RTRAF: variants seen among roughly 807,000 people sequenced by gnomAD.
RTRAF encodes tRNA-splicing ligase complex subunit RTRAF.
A neutral mutation model predicts 34.4 loss-of-function variants in RTRAF; 14 were observed. The observed-to-expected ratio is 0.41, with a 90% CI of 0.27 to 0.64. RTRAF has a LOEUF of 0.64. RTRAF is among the 30% of genes least tolerant of loss of function. RTRAF has a pLI of 0.34. For synonymous variants in RTRAF, 96 were observed against 95.3 expected (o/e 1.01, Z -0.04); for missense variants, 291 against 288.4 (o/e 1.01, Z -0.06).
intron 6 of RTRAF, 62 bp from the exon 7 acceptor site, chr14:52,004,132 G>T (rs902866132): frequency 7.0e-7 from 1 of 1,427,970 alleles, no homozygotes; most frequent in Non-Finnish European, 9.8e-7. Context: ...TTCAGTTTCA[G>T]TTGAGGAAAG....
chr14:52,004,118 G>GT (rs1264654849), intron 6 of RTRAF, 76 bp from the exon 7 acceptor site: 333 of 1,264,904 alleles, frequency 2.6e-4, no homozygotes, highest in Non-Finnish European at 7.3e-5. Context: ...ATAGCTAGGT[G>GT]CTTTTCAGTT....
At chr14:52,000,689 T>C (rs1054148524) in intron 5 of RTRAF, among the ~76,000 whole-genome samples, 1 of 152,180 alleles carries the variant, frequency 6.6e-6, no homozygotes, top group African/African-American at 2.4e-5. Context: ...TTAACTTGGA[T>C]TTTCTCAATC....
At position 52,007,769 on chromosome 14, in the gene RTRAF, T is replaced by A. The variant is rs1198879323; in HGVS notation, c.*3253T>A. 8.4e-6 allele frequency: 13 copies of A among 1,541,174 alleles called. No individual in the cohort carries two copies. The highest frequency in any genetic ancestry group is 3.4e-4 in the Middle Eastern group (2 of 5,900). On this transcript the variant is annotated 3_prime_UTR_variant, in exon 8 of 8. Transcript: ENST00000261700. ...AATCTGTTAGTGCTCACATTCACTG[T>A]GATGAGAGGTTATCTATTTGCATTC...
chr14:52,001,473 G>A (rs564458266), intron 5 of RTRAF, among the ~76,000 whole-genome samples: 24 of 152,248 alleles, frequency 1.6e-4, no homozygotes, highest in African/African-American at 5.8e-4. Flanking sequence ...GTAGGGGATC[G>A]CAAGGCTCAG....
In RTRAF at chr14:52,006,891, G is replaced by A; in HGVS notation, c.*2375G>A. On this transcript the variant is annotated 3_prime_UTR_variant, in exon 8 of 8. Transcript: ENST00000261700. The stretch of plus-strand genomic sequence containing the variant: ...GACAGGATTGCATTTACTGAAATCT[G>A]GTAAGTTTCTGCCAAAGTAGGGCAT... 5.7e-6 allele frequency: 2 copies of A among 351,842 alleles called. No individual in the cohort carries two copies. Among genetic ancestry groups the A allele is most frequent in the South Asian group, 4.0e-5 (1 of 24,830 alleles). 21.8% of individuals were successfully genotyped at this position (351,842 alleles called of 1,614,324 possible).
At chr14:51,993,042 T>TA (rs1276152154) in intron 2 of RTRAF, among the ~76,000 whole-genome samples, 1 of 152,026 alleles carries the variant, frequency 6.6e-6, no homozygotes, top group South Asian at 2.1e-4. Flanking sequence ...AAAAAAGAAA[T>TA]ATGTATGTAT....
chr14:52,005,822 ATGTT>A lies in RTRAF; in HGVS notation c.*1308_*1311del, dbSNP rs777565899. The A allele has an allele frequency of 1.9e-6, 3 of 1,613,234 alleles. No homozygotes were observed. In the African/African-American group the frequency reaches 4.0e-5, roughly 22 times the overall value. On this transcript the variant is annotated 3_prime_UTR_variant, in exon 8 of 8. Coordinates refer to ENST00000261700, the MANE Select transcript of RTRAF (RefSeq NM_016039.3). ...GATACTCATCAGTAAACTGGCCACT[ATGTT>A]TATTTACTGATACAACACCATCCCT... is the stretch of plus-strand genomic sequence containing the variant.
In RTRAF at chr14:52,005,489, CT is replaced by C; in HGVS notation, c.*976del. The C allele has an allele frequency of 6.3e-7, 1 of 1,597,988 alleles. No individual in the cohort carries two copies. Among genetic ancestry groups the C allele is most frequent in the Admixed American group, 1.8e-5 (1 of 56,636 alleles). ...GTCTTCCTTTACATTACTGTACTTA[CT>C]TTCTTCCTGTGAGAGAAGAGCAGGG... is the stretch of plus-strand genomic sequence containing the variant. On this transcript the variant is annotated 3_prime_UTR_variant, in exon 8 of 8. Coordinates refer to ENST00000261700, the MANE Select transcript of RTRAF (RefSeq NM_016039.3).
chr14:52,009,859 T>C lies in RTRAF; in HGVS notation c.*5343T>C, dbSNP rs1890938833. On this transcript the variant is annotated 3_prime_UTR_variant, in exon 8 of 8. Transcript: ENST00000261700. ...AAAATTAGCTGGGCATGGTGGCACA[T>C]GCCTGTAGTCCCAGCTACTTGGGAG... 1 of 152,342 alleles carries C rather than the reference T, an allele frequency of 6.6e-6. No homozygotes were observed. Among genetic ancestry groups the C allele is most frequent in the Non-Finnish European group, 1.5e-5 (1 of 68,194 alleles). The allele number at this position is 152,342 out of a possible 1,614,324, so 9.4% of individuals were successfully genotyped here.
At position 51,993,833 on chromosome 14, in the gene RTRAF, T is replaced by C. The variant is rs1183662657; in HGVS notation, c.286+11T>C. On this transcript the variant is annotated intron_variant, in intron 3 of 7. Coordinates refer to ENST00000261700, the MANE Select transcript of RTRAF (RefSeq NM_016039.3). ...AATATGGAGATAATGGTACGTTTTG[T>C]GGGGAATGTGTATTTTAAAGAGAGA... 4 of 1,457,550 alleles carry C rather than the reference T, an allele frequency of 2.7e-6. No individual in the cohort carries two copies. The highest frequency in any genetic ancestry group is 1.4e-5 in the African/African-American group (1 of 70,248). The allele number at this position is 1,457,550 out of a possible 1,614,324, so 90.3% of individuals were successfully genotyped here.
chr14:52,000,335 T>A (rs1890581125), intron 5 of RTRAF, among the ~76,000 whole-genome samples: 1 of 152,146 alleles, frequency 6.6e-6, no homozygotes, highest in Non-Finnish European at 1.5e-5. Flanking sequence ...GATAGGCCAC[T>A]CAGTTCATAA....
chr14:52,004,825 T>C lies in RTRAF; in HGVS notation c.*309T>C, dbSNP rs570396241. The C allele has an allele frequency of 2.3e-5, 5 of 220,662 alleles. No individual in the cohort carries two copies. The highest frequency in any genetic ancestry group is 1.7e-4 in the South Asian group (1 of 5,822). The allele number at this position is 220,662 out of a possible 1,614,324, so 13.7% of individuals were successfully genotyped here. A position where few individuals can be genotyped will look rare whatever the true frequency, so the allele number is the denominator to read the frequency against. On this transcript the variant is annotated 3_prime_UTR_variant, in exon 8 of 8. Transcript: ENST00000261700. ...AGTCATAGGAAAACTTAAAACACTT[T>C]ATTGGAGTAATCTAGAAAATTTTAA...
At position 52,005,763 on chromosome 14, in the gene RTRAF, G is replaced by C; in HGVS notation, c.*1247G>C. On this transcript the variant is annotated 3_prime_UTR_variant, in exon 8 of 8. Transcript: ENST00000261700. ...TGTTGGGCAGTAGGGGTAGACTGCAGTTATCCCGTAGAGGTGAGATCGTTG... is the reference window on the plus strand; with the variant it reads ...TGTTGGGCAGTAGGGGTAGACTGCACTTATCCCGTAGAGGTGAGATCGTTG... 6.2e-7 allele frequency: 1 copy of C among 1,613,756 alleles called. No individual in the cohort carries two copies. Among genetic ancestry groups the C allele is most frequent in the Non-Finnish European group, 8.5e-7 (1 of 1,179,682 alleles).
intron 1 of RTRAF, 122 bp downstream of exon 1, chr14:51,989,822 G>T (rs112744006): frequency 6.0e-6 from 6 of 995,702 alleles, no homozygotes; most frequent in Admixed American, 5.0e-5. Flanking sequence ...GGCAGCCTCC[G>T]GGCCCCTCTC....
At chr14:52,000,874 T>A (rs1890591349) in intron 5 of RTRAF, among the ~76,000 whole-genome samples, 1 of 152,218 alleles carries the variant, frequency 6.6e-6, no homozygotes. Context: ...GTATTTGGGA[T>A]GCTTTTGTTA....
Position 51,993,725 on chromosome 14 carries a change from T to C in RTRAF, c.189T>C (p.Tyr63=). The change falls in exon 3 of 8, where the codon TAT becomes TAC. Residue 63 remains tyrosine (Y), a splice_region_variant and synonymous_variant. Transcript: ENST00000261700. ...TTTTCTTTTCTTCCCCCTCACAGTA[T>C]CTCAGAGATGTTAACTGTCCTTTCA... ...SSDWPKFFEK[Y]LRDVNCPFKI... is the part of the protein sequence containing the mutation. 3.2e-6 allele frequency: 5 copies of C among 1,573,912 alleles called. No individual in the cohort carries two copies. The highest frequency in any genetic ancestry group is 4.3e-6 in the Non-Finnish European group (5 of 1,150,584).
chr14:52,004,326 T>G (rs562537400), intron 7 of RTRAF, 36 bp from the exon 8 acceptor site: 1 of 1,609,664 alleles, frequency 6.2e-7, no homozygotes, highest in East Asian at 2.2e-5. Context: ...ATGTAAAAAT[T>G]ATGTATTGAA....
chr14:51,993,572 G>T, intron 2 of RTRAF, 151 bp from the exon 3 acceptor site: 1 of 557,860 alleles, frequency 1.8e-6, no homozygotes. Flanking sequence ...GTTCCCTTCT[G>T]TTGGGTTATA....
At position 52,005,926 on chromosome 14, in the gene RTRAF, G is replaced by A. The variant is rs1890761309; in HGVS notation, c.*1410G>A. The A allele has an allele frequency of 1.8e-6, 2 of 1,131,552 alleles. No homozygotes were observed. The highest frequency in any genetic ancestry group is 2.7e-6 in the Non-Finnish European group (2 of 750,172). The allele number at this position is 1,131,552 out of a possible 1,614,324, so 70.1% of individuals were successfully genotyped here. A position where few individuals can be genotyped will look rare whatever the true frequency, so the allele number is the denominator to read the frequency against. ...GAAGTCAGTCAGCCACAGAAAATCA[G>A]TTGCAATAGAGGAAAATTTCTGGCA... On this transcript the variant is annotated 3_prime_UTR_variant, in exon 8 of 8. Coordinates refer to ENST00000261700, the MANE Select transcript of RTRAF (RefSeq NM_016039.3).
Sources: allele counts gnomAD v4.1 joint callset (sites outside exome capture counted in the v4.1 genomes callset), GRCh38; gene constraint gnomAD v4.1.1; transcripts MANE v1.5; gene names NCBI Gene and HGNC (gene_info 2026-07-23, HGNC 2026-07-21).